The following LAMA5 variants were observed in gnomAD, a reference collection of about 807,000 sequenced individuals.
LAMA5 encodes the protein laminin subunit alpha-5.
Under a neutral mutation model 433.4 loss-of-function variants are expected in LAMA5, and 260 were observed. That is an observed-to-expected ratio of 0.60 (90% CI 0.54 to 0.66). The LOEUF (loss-of-function observed/expected upper bound fraction) is 0.66, where lower values mean the gene tolerates loss of function less well. Ranked by LOEUF, LAMA5 falls within the 30% of genes least tolerant of loss-of-function variation. LAMA5 has a pLI of 0.00. For missense variants in LAMA5, 5,378 were observed against 5,258.5 expected (o/e 1.02, Z -0.70); for synonymous variants, 2,620 against 2,226.6 (o/e 1.18, Z -4.97).
rs1024402459 is a variant in LAMA5 at position 62,319,126 on chromosome 20, G to A, written c.6872-113C>T. On this transcript the variant is annotated intron_variant, in intron 51 of 79. Coordinates refer to ENST00000252999, the MANE Select transcript of LAMA5 (RefSeq NM_005560.6). ...GCCATCCTTGGCAGGCCAGGGGCCC[G>A]GAACCTGAGCGCACCTGGGTGGCCC... 9.2e-5 allele frequency: 108 copies of A among 1,179,498 alleles called. 1 individual carries two copies. Among genetic ancestry groups the A allele is most frequent in the South Asian group, 2.4e-4 (15 of 61,952 alleles). 73.1% of individuals were successfully genotyped at this position (1,179,498 alleles called of 1,614,324 possible). A position where few individuals can be genotyped will look rare whatever the true frequency, so the allele number is the denominator to read the frequency against.
In LAMA5 at chr20:62,325,393, G is replaced by T; in HGVS notation, c.5452C>A (p.Pro1818Thr). 6.2e-7 allele frequency: 1 copy of T among 1,611,546 alleles called. No individual in the cohort carries two copies. Among genetic ancestry groups the T allele is most frequent in the African/African-American group, 1.3e-5 (1 of 75,008 alleles). Residue 1818 changes from proline to threonine, a missense_variant, in exon 41 of 80, where the codon CCA (proline) becomes ACA (threonine). Pro to Thr is a conservative substitution (Grantham distance 38). Coordinates refer to ENST00000252999, the MANE Select transcript of LAMA5 (RefSeq NM_005560.6). ...CTGGCCAGGGCCCCCTGGCCTGCTG[G>T]GCTGGCCACCTCCAGTGCCACCCTG... Reference protein sequence around the residue: ...LRRVALEVASPAGQGALASNV... With the variant: ...LRRVALEVASTAGQGALASNV...
chr20:62,338,642 T>C (rs1182582111), intron 11 of LAMA5, 34 bp from the exon 12 acceptor site: 2 of 1,589,900 alleles, frequency 1.3e-6, no homozygotes, highest in South Asian at 1.1e-5. Context: ...GAGTCTCAGA[T>C]GCCCTGCAGA....
chr20:62,362,499 C>T lies in LAMA5; in HGVS notation c.351G>A (p.Ala117=), dbSNP rs1249996954. ...TAANSNKAHP[A]SNAIDGTERW... is the part of the protein sequence containing the mutation. The stretch of plus-strand genomic sequence containing the variant: ...GCTCCGTGCCATCGATGGCATTGCT[C>T]GCGGGGTGTGCCTTGTTGCTGTTGG... Residue 117 remains alanine, a synonymous_variant, in exon 2 of 80, where the codon GCG becomes GCA. Coordinates refer to ENST00000252999, the MANE Select transcript of LAMA5 (RefSeq NM_005560.6). 9 of 1,604,922 alleles carry T rather than the reference C, an allele frequency of 5.6e-6. No homozygotes were observed. The highest frequency in any genetic ancestry group is 3.4e-5 in the Admixed American group (2 of 59,316).
rs775023384 is a variant in LAMA5, at chr20:62,309,341, C to T, written c.11083G>A (p.Ala3695Thr). 8.4e-5 allele frequency: 134 copies of T among 1,590,858 alleles called. No individual in the cohort carries two copies. The highest frequency in any genetic ancestry group is 2.2e-4 in the Admixed American group (13 of 59,260). The change falls in exon 80 of 80, where the codon GCC becomes ACC. Residue 3695 changes from alanine (A) to threonine (T), a missense_variant. Transcript: ENST00000252999. ...GAVGASGCPAA is the reference protein window; with the variant it reads ...GAVGASGCPAT ...GGGCCGGGGTTGGCTGTGTCCTAGG[C>T]GGCTGGGCAGCCACTGGCCCCCACT...
intron 34 of LAMA5, 129 bp from the exon 35 acceptor site, chr20:62,328,574 C>G (rs1381819054): frequency 2.0e-6 from 2 of 1,014,448 alleles, no homozygotes; most frequent in African/African-American, 3.3e-5. Context: ...GACCCCTGCC[C>G]CGGGTGCTGA....
chr20:62,322,647 C>T lies in LAMA5; in HGVS notation c.6165+11G>A. 1 of 1,522,030 alleles carries T rather than the reference C, an allele frequency of 6.6e-7. No individual in the cohort carries two copies. Among genetic ancestry groups the T allele is most frequent in the Non-Finnish European group, 8.9e-7 (1 of 1,129,056 alleles). The allele number at this position is 1,522,030 out of a possible 1,614,324, so 94.3% of individuals were successfully genotyped here. On this transcript the variant is annotated intron_variant, in intron 46 of 79. Coordinates refer to ENST00000252999, the MANE Select transcript of LAMA5 (RefSeq NM_005560.6). ...CCCACCCACCCAGCCCTGCTTACCC[C>T]ACAGCCCTACCTGGCAGCGGTCACA... is the stretch of plus-strand genomic sequence containing the variant.
chr20:62,339,825 G>A (rs898521659), intron 11 of LAMA5, among the ~76,000 whole-genome samples: 1 of 152,206 alleles, frequency 6.6e-6, no homozygotes, highest in African/African-American at 2.4e-5. Context: ...AATGATACAA[G>A]GGCAGGAGCC....
chr20:62,363,417 C>G (rs1310198021), intron 1 of LAMA5, among the ~76,000 whole-genome samples: 2 of 152,160 alleles, frequency 1.3e-5, no homozygotes, highest in Non-Finnish European at 2.9e-5. Flanking sequence ...AGCCTGGCAG[C>G]CGCTTCTGTC....
In LAMA5 at chr20:62,320,848, C is replaced by T. The variant is rs111950661; in HGVS notation, c.6539G>A (p.Arg2180Gln). 1,043 of 1,612,242 alleles carry T rather than the reference C, an allele frequency of 6.5e-4. 10 individuals are homozygous for T. In the East Asian group the frequency reaches 0.015, roughly 22 times the overall value. Residue 2180 changes from arginine (R) to glutamine (Q), a missense_variant, in exon 49 of 80, where the codon CGG becomes CAG. By Grantham distance (43) the Arg-to-Gln change is conservative. Transcript: ENST00000252999. ...AATGGCGGGGAGGAGGGCGCCGGCC[C>T]GTTCCAGGTCATCCAGGAGCAGGAC... ...CVVLLLDDLE[R>Q]AGALLPAIHE...
At chr20:62,332,524 G>A (rs763321664) in intron 27 of LAMA5, 33 bp downstream of exon 27, 5 of 1,607,120 alleles carry the variant, frequency 3.1e-6, no homozygotes, top group Non-Finnish European at 4.3e-6. Context: ...CCCCGGGCGT[G>A]CCCTTACTCC....
At chr20:62,319,836 G>T in intron 50 of LAMA5, 41 bp from the exon 51 acceptor site, 1 of 1,480,494 alleles carries the variant, frequency 6.8e-7, no homozygotes. Context: ...GCTGGTAGGC[G>T]AGGGTCGGGG....
intron 35 of LAMA5, 58 bp downstream of exon 35, chr20:62,328,183 A>G (rs944127625): frequency 6.1e-5 from 94 of 1,529,764 alleles, no homozygotes; most frequent in Non-Finnish European, 7.9e-5. Flanking sequence ...CTCTGGCTAG[A>G]GGAAATGCTG....
rs199963174 is a variant in LAMA5, at chr20:62,327,548, G to A, written c.4919C>T (p.Ser1640Leu). 762 of 1,612,818 alleles carry A rather than the reference G, an allele frequency of 4.7e-4. No individual in the cohort carries two copies. The highest frequency in any genetic ancestry group is 1.2e-3 in the Middle Eastern group (7 of 6,062). Reference protein sequence around the residue: ...CFGATERCRSSSYTRQEFVDM... With the variant: ...CFGATERCRSLSYTRQEFVDM... ...GCGCACCTCCTGGCGGGTGTAGGAC[G>A]AGCTCCGGCAGCGCTCCGTGGCCCC... The change falls in exon 37 of 80, where the codon TCG (serine) becomes TTG (leucine). Residue 1640 changes from serine to leucine, a missense_variant. By Grantham distance (145) the Ser-to-Leu change is moderately radical. Transcript: ENST00000252999.
At chr20:62,360,202 A>G (rs1985819228) in intron 2 of LAMA5, among the ~76,000 whole-genome samples, 1 of 148,568 alleles carries the variant, frequency 6.7e-6, no homozygotes, top group African/African-American at 2.5e-5. Context: ...CCACGTGGTC[A>G]GGAAAGTGGG....
rs775885696 is a variant in LAMA5 at position 62,320,641 on chromosome 20, C to CCCA, written c.6676_6677insTGG (p.Arg2226delinsLeuGly). 1 of 1,606,844 alleles carries CCCA rather than the reference C, an allele frequency of 6.2e-7. No homozygotes were observed. Among genetic ancestry groups the CCCA allele is most frequent in the Admixed American group, 1.7e-5 (1 of 59,268 alleles). ...CTCCAGCTGCTGTGCCGTCTCATGG[C>CCCA]GGGGGCCCAGGGGGCTCCGGAGCTG... is the stretch of plus-strand genomic sequence containing the variant. On this transcript the variant is annotated protein_altering_variant, in exon 50 of 80. Coordinates refer to ENST00000252999, the MANE Select transcript of LAMA5 (RefSeq NM_005560.6).
intron 6 of LAMA5, 86 bp downstream of exon 6, chr20:62,351,618 C>T: frequency 1.5e-6 from 2 of 1,338,718 alleles, no homozygotes; most frequent in Non-Finnish European, 2.1e-6. Context: ...GGTCACCCAC[C>T]CTCAGGTTAG....
At chr20:62,347,359 A>G (rs1354307327) in intron 6 of LAMA5, among the ~76,000 whole-genome samples, 2 of 152,110 alleles carry the variant, frequency 1.3e-5, no homozygotes, top group African/African-American at 4.8e-5. Flanking sequence ...AGGGCACCTC[A>G]GGGGTCAGTA....
chr20:62,362,391 G>C lies in LAMA5; in HGVS notation c.450+9C>G. ...ATGGGGGCTGCAGCACGCAAAGAAGGGTCCCTACCTGGCCCAGGTCCAGGG... is the reference window on the plus strand; with the variant it reads ...ATGGGGGCTGCAGCACGCAAAGAAGCGTCCCTACCTGGCCCAGGTCCAGGG... On this transcript the variant is annotated intron_variant, in intron 2 of 79. Transcript: ENST00000252999. The C allele has an allele frequency of 6.7e-7, 1 of 1,499,508 alleles. No homozygotes were observed. Among genetic ancestry groups the C allele is most frequent in the Non-Finnish European group, 9.0e-7 (1 of 1,116,214 alleles). The allele number at this position is 1,499,508 out of a possible 1,614,324, so 92.9% of individuals were successfully genotyped here.
chr20:62,316,716 C>T lies in LAMA5; in HGVS notation c.7711G>A (p.Ala2571Thr). The T allele has an allele frequency of 1.2e-6, 2 of 1,609,738 alleles. No individual in the cohort carries two copies. The highest frequency in any genetic ancestry group is 2.2e-5 in the East Asian group (1 of 44,812). Residue 2571 changes from alanine to threonine, a missense_variant, in exon 57 of 80, where the codon GCA becomes ACA. By Grantham distance (58) the Ala-to-Thr change is moderately conservative. Coordinates refer to ENST00000252999, the MANE Select transcript of LAMA5 (RefSeq NM_005560.6). ...RAQQLLANST[A>T]LEEAMLQEQQ... ...TCCTGGAGCATGGCCTCTTCTAGTG[C>T]AGTGCTGTTGGCCAGGAGCTGCTGG... is the stretch of plus-strand genomic sequence containing the variant.
Sources: gnomAD v4.1 joint callset for allele counts (sites outside exome capture counted in the v4.1 genomes callset) on GRCh38, gnomAD v4.1.1 for gene constraint, MANE v1.5 for transcripts, NCBI Gene and HGNC (gene_info 2026-07-23, HGNC 2026-07-21) for gene names.